DHRSX: variants seen among roughly 807,000 people sequenced by gnomAD.
The protein encoded by DHRSX is polyprenol dehydrogenase.
Under a neutral mutation model 34.0 loss-of-function variants are expected in DHRSX, and 31 were observed. The observed-to-expected ratio is 0.91, with a 90% CI of 0.69 to 1.23. DHRSX has a LOEUF of 1.23. Ranked by LOEUF, DHRSX falls within the 50% of genes most tolerant of loss-of-function variation. The pLI is 0.00. For missense variants in DHRSX, 414 were observed against 428.1 expected (o/e 0.97, Z 0.29); for synonymous variants, 201 against 183.8 (o/e 1.09, Z -0.76).
At chrX:2,494,862 G>C (rs1189411675) in intron 1 of DHRSX, among the ~76,000 whole-genome samples, 3 of 151,762 alleles carry the variant, frequency 2.0e-5, no homozygotes, top group African/African-American at 4.8e-5. Flanking sequence ...TTGTTGGTCT[G>C]AAAGAGGTCC....
At chrX:2,339,809 A>G (rs996754767) in intron 3 of DHRSX, among the ~76,000 whole-genome samples, 20 of 152,202 alleles carry the variant, frequency 1.3e-4, no homozygotes, top group Non-Finnish European at 2.6e-4. Flanking sequence ...TTGCTATGTG[A>G]ATAGTGCCAC....
chrX:2,305,426 C>G (rs112923378), intron 3 of DHRSX, among the ~76,000 whole-genome samples: 1 of 151,874 alleles, frequency 6.6e-6, no homozygotes, highest in Non-Finnish European at 1.5e-5. Context: ...GTGGAAGACA[C>G]TGTGGCGATT....
intron 3 of DHRSX, among the ~76,000 whole-genome samples, chrX:2,402,213 C>CCGGGG (rs2043494912): frequency 6.6e-6 from 1 of 152,190 alleles, no homozygotes; most frequent in Non-Finnish European, 1.5e-5. Flanking sequence ...CATGGCTGAA[C>CCGGGG]CGGGGTTACC....
chrX:2,255,548 G>A (rs145353600), intron 5 of DHRSX, among the ~76,000 whole-genome samples: 3,695 of 152,154 alleles, frequency 0.024, 167 homozygotes, highest in African/African-American at 0.085. Context: ...AGTGAGGCAC[G>A]CCCATGCCTA....
In DHRSX at chrX:2,291,528, ATCT is replaced by A; in HGVS notation, c.359_361del (p.Lys120del). 1.9e-6 allele frequency: 3 copies of A among 1,613,938 alleles called. No individual in the cohort carries two copies. Among genetic ancestry groups the A allele is most frequent in the Non-Finnish European group, 2.5e-6 (3 of 1,179,840 alleles). The stretch of plus-strand genomic sequence containing the variant: ...ATTGTTGATCAGGACATGGAGAGGA[ATCT>A]TCTTCATCTTGAACTTCTGCACAAA... On this transcript the variant is annotated inframe_deletion, in exon 4 of 7. Coordinates refer to ENST00000334651, the MANE Select transcript of DHRSX (RefSeq NM_145177.3).
chrX:2,485,974 CGGAAGGAGGAG>C (rs1040210086), intron 1 of DHRSX, among the ~76,000 whole-genome samples: 1 of 145,506 alleles, frequency 6.9e-6, no homozygotes, highest in African/African-American at 2.6e-5. Flanking sequence ...GAGGGTTGGA[CGGAAGGAGGAG>C]GGAAGGAAGA....
intron 3 of DHRSX, among the ~76,000 whole-genome samples, chrX:2,379,756 C>T (rs1201343063): frequency 2.6e-5 from 4 of 151,456 alleles, no homozygotes; most frequent in East Asian, 1.9e-4. Flanking sequence ...GCTGTTTTGC[C>T]GAAACAAAAA....
chrX:2,267,798 T>G (rs1185717524), intron 4 of DHRSX, among the ~76,000 whole-genome samples: 3 of 151,780 alleles, frequency 2.0e-5, no homozygotes, highest in Non-Finnish European at 4.4e-5. Context: ...ATACAAAAAA[T>G]TAGTGGGTGT....
At chrX:2,321,080 A>C (rs1025469060) in intron 3 of DHRSX, among the ~76,000 whole-genome samples, 1 of 152,144 alleles carries the variant, frequency 6.6e-6, no homozygotes, top group African/African-American at 2.4e-5. Flanking sequence ...TCAGTATCTG[A>C]CAAGCTCTCA....
intron 1 of DHRSX, among the ~76,000 whole-genome samples, chrX:2,495,089 CAGG>C (rs1409658022): frequency 6.7e-6 from 1 of 149,982 alleles, no homozygotes. Context: ...AAAGACGTTC[CAGG>C]AGATGAAGCA....
intron 2 of DHRSX, among the ~76,000 whole-genome samples, chrX:2,410,496 T>C (rs2043612523): frequency 6.6e-6 from 1 of 152,190 alleles, no homozygotes; most frequent in Admixed American, 6.5e-5. Context: ...TCCCCGGGTC[T>C]CCATGAAAAT....
At chrX:2,497,286 G>A (rs1442313553) in intron 1 of DHRSX, among the ~76,000 whole-genome samples, 2 of 152,106 alleles carry the variant, frequency 1.3e-5, no homozygotes, top group African/African-American at 2.4e-5. Context: ...CCAGCTACTC[G>A]GGAGGCTGAG....
At chrX:2,420,858 C>T (rs755323467) in intron 2 of DHRSX, among the ~76,000 whole-genome samples, 18 of 152,214 alleles carry the variant, frequency 1.2e-4, no homozygotes, top group Admixed American at 3.3e-4. Context: ...AAAAAGTGCT[C>T]ACCTGCTTCC....
At chrX:2,428,590 G>A (rs1483782285) in intron 1 of DHRSX, among the ~76,000 whole-genome samples, 5 of 152,110 alleles carry the variant, frequency 3.3e-5, no homozygotes, top group African/African-American at 4.8e-5. Context: ...TGGAAACAGG[G>A]AGGGGAACAT....
chrX:2,227,488 C>A, intron 6 of DHRSX, among the ~76,000 whole-genome samples: 3 of 116,464 alleles, frequency 2.6e-5, no homozygotes, highest in South Asian at 2.9e-4. Flanking sequence ...GAGAACAAGA[C>A]AGAAAAGAGG....
At chrX:2,427,241 C>T (rs1184502860) in intron 1 of DHRSX, among the ~76,000 whole-genome samples, 7 of 152,098 alleles carry the variant, frequency 4.6e-5, no homozygotes, top group African/African-American at 1.2e-4. Flanking sequence ...AAGAGGAAGG[C>T]GGCTGGCTGG....
chrX:2,346,768 T>C (rs1233610228), intron 3 of DHRSX, among the ~76,000 whole-genome samples: 1 of 152,000 alleles, frequency 6.6e-6, no homozygotes, highest in Non-Finnish European at 1.5e-5. Flanking sequence ...TCATCTACAT[T>C]AGGTATTTCT....
chrX:2,472,838 T>C (rs2044614251), intron 1 of DHRSX, among the ~76,000 whole-genome samples: 1 of 152,096 alleles, frequency 6.6e-6, no homozygotes. Flanking sequence ...TTTTTTTAAG[T>C]CCTTTAAAAT....
chrX:2,256,841 C>T (rs2041286440), intron 5 of DHRSX, among the ~76,000 whole-genome samples: 1 of 116,856 alleles, frequency 8.6e-6, no homozygotes, highest in South Asian at 2.6e-4. Flanking sequence ...CATATTTTAG[C>T]ATGCATCAGA....
Sources: gnomAD v4.1 joint callset for allele counts (sites outside exome capture counted in the v4.1 genomes callset) on GRCh38, gnomAD v4.1.1 for gene constraint, MANE v1.5 for transcripts, NCBI Gene and HGNC (gene_info 2026-07-23, HGNC 2026-07-21) for gene names.